CR1L: variants seen among roughly 807,000 people sequenced by gnomAD.
CR1L encodes the protein complement component receptor 1-like protein.
In CR1L, 59 loss-of-function variants were observed where a neutral mutation model predicts 62.3. The observed-to-expected ratio is 0.95, with a 90% CI of 0.77 to 1.18. The LOEUF (loss-of-function observed/expected upper bound fraction) is 1.18, where lower values mean the gene tolerates loss of function less well. Ranked by LOEUF, CR1L falls within the 50% of genes most tolerant of loss-of-function variation. The probability of loss-of-function intolerance (pLI) is 0.00; values close to 1 mark genes in which losing one functional copy is unlikely to be tolerated. For missense variants in CR1L, 700 were observed against 702.8 expected (o/e 1.00, Z 0.04); for synonymous variants, 279 against 248.7 (o/e 1.12, Z -1.15).
At chr1:207,715,512 A>G (rs779219267) in intron 10 of CR1L, 14 of 565,020 alleles carry the variant, frequency 2.5e-5, no homozygotes, top group Non-Finnish European at 3.7e-5. Context: ...TGATTAAAAT[A>G]CTTCTCTGTT....
At chr1:207,693,106 C>T (rs182345091) in intron 4 of CR1L, among the ~76,000 whole-genome samples, 52 of 152,252 alleles carry the variant, frequency 3.4e-4, no homozygotes, top group African/African-American at 1.2e-3. Context: ...TACAATATTA[C>T]TATGTTGTGT....
intron 9 of CR1L, among the ~76,000 whole-genome samples, chr1:207,706,662 T>C (rs1329636011): frequency 3.3e-5 from 5 of 152,218 alleles, no homozygotes; most frequent in Non-Finnish European, 7.3e-5. Flanking sequence ...TTGTAGAAGA[T>C]AGCACTTCTG....
chr1:207,669,279 C>T (rs776845380), intron 1 of CR1L: 16 of 539,420 alleles, frequency 3.0e-5, no homozygotes, highest in Non-Finnish European at 4.3e-5. Flanking sequence ...TGGCCTTGCC[C>T]ATGAAGGGGA....
chr1:207,650,788 AT>A (rs59483254), intron 1 of CR1L, among the ~76,000 whole-genome samples: 6,403 of 146,534 alleles, frequency 0.044, 169 homozygotes, highest in South Asian at 0.12. Flanking sequence ...TGCAGTGTAG[AT>A]TTTTTTTTTT....
chr1:207,665,619 T>C (rs1663509365), intron 1 of CR1L, among the ~76,000 whole-genome samples: 1 of 151,862 alleles, frequency 6.6e-6, no homozygotes, highest in Non-Finnish European at 1.5e-5. Context: ...GGTCTCGAAC[T>C]CCTGACCTCG....
At chr1:207,691,633 C>T (rs1338184347) in intron 4 of CR1L, among the ~76,000 whole-genome samples, 1 of 151,834 alleles carries the variant, frequency 6.6e-6, no homozygotes, top group African/African-American at 2.4e-5. Flanking sequence ...TTCTATTTTC[C>T]CCAGTAGCTT....
Position 207,717,226 on chromosome 1 carries a change from G to A in CR1L, c.1415-238G>A, listed in dbSNP as rs192368475. ...ACTTTCCAAATTCATTATGAACGTA[G>A]CTACCTGGATGGTCCAAAAACACTG... On this transcript the variant is annotated intron_variant, in intron 10 of 11. Coordinates refer to ENST00000508064, the MANE Select transcript of CR1L (RefSeq NM_175710.2). Among the ~76,000 whole-genome samples the A allele has an allele frequency of 1.8e-4, 28 of 152,218 alleles. No individual in the cohort carries two copies. The South Asian group carries it at 3.9e-3, about 21-fold the overall frequency.
intron 8 of CR1L, among the ~76,000 whole-genome samples, chr1:207,700,882 A>G (rs1664179616): frequency 6.6e-6 from 1 of 152,184 alleles, no homozygotes; most frequent in Non-Finnish European, 1.5e-5. Flanking sequence ...TTCTTCTTCA[A>G]ATGTTTTGCT....
At chr1:207,708,547 G>A (rs1485716384) in intron 10 of CR1L, among the ~76,000 whole-genome samples, 1 of 152,206 alleles carries the variant, frequency 6.6e-6, no homozygotes, top group African/African-American at 2.4e-5. Context: ...CCAGTTTGAA[G>A]AGCATTTTCT....
chr1:207,694,863 C>G, intron 5 of CR1L, 112 bp downstream of exon 5: 2 of 1,549,102 alleles, frequency 1.3e-6, no homozygotes, highest in Non-Finnish European at 1.7e-6. Flanking sequence ...GGTCGAGAAG[C>G]AAATTTTCTA....
intron 10 of CR1L, among the ~76,000 whole-genome samples, chr1:207,715,731 C>G (rs900244579): frequency 6.6e-6 from 1 of 151,536 alleles, no homozygotes; most frequent in African/African-American, 2.4e-5. Context: ...TTTTTTGAGA[C>G]AGTTACCCAG....
Position 207,701,617 on chromosome 1 carries a change from G to T in CR1L, c.1327G>T (p.Gly443Trp), listed in dbSNP as rs1354108565. 2 of 1,613,572 alleles carry T rather than the reference G, an allele frequency of 1.2e-6. No homozygotes were observed. Among genetic ancestry groups the T allele is most frequent in the Non-Finnish European group, 1.7e-6 (2 of 1,179,682 alleles). Reference sequence around the variant, plus strand: ...CAGAATCAACTATTCTTGTACTACAGGGTGAGTTGGCAGCAACATCTCTTG... The same window carrying T: ...CAGAATCAACTATTCTTGTACTACATGGTGAGTTGGCAGCAACATCTCTTG... ...GSRINYSCTTGHRLIGHSSAE... is the reference protein window; with the variant it reads ...GSRINYSCTTWHRLIGHSSAE... The change falls in exon 9 of 12, where the codon GGG becomes TGG. Residue 443 changes from glycine to tryptophan, a missense_variant and splice_region_variant. Coordinates refer to ENST00000508064, the MANE Select transcript of CR1L (RefSeq NM_175710.2).
chr1:207,677,372 G>C lies in CR1L; in HGVS notation c.98-17G>C. The C allele has an allele frequency of 1.4e-6, 2 of 1,451,544 alleles. No homozygotes were observed. The highest frequency in any genetic ancestry group is 9.4e-7 in the Non-Finnish European group (1 of 1,067,728). 89.9% of individuals were successfully genotyped at this position (1,451,544 alleles called of 1,614,324 possible). ...TTTCTCCATTAACTTCGATGCTGCT[G>C]TGGTCTTGATCCCCAGATCAATGCA... On this transcript the variant is annotated splice_polypyrimidine_tract_variant and intron_variant, in intron 1 of 11. Transcript: ENST00000508064.
At chr1:207,719,831 G>A (rs1654091692) in intron 11 of CR1L, among the ~76,000 whole-genome samples, 1 of 152,132 alleles carries the variant, frequency 6.6e-6, no homozygotes, top group Non-Finnish European at 1.5e-5. Flanking sequence ...TAGAAACTGA[G>A]ACACAGAGGG....
chr1:207,685,911 G>C (rs1458433713), intron 4 of CR1L, among the ~76,000 whole-genome samples: 3 of 151,930 alleles, frequency 2.0e-5, no homozygotes, highest in African/African-American at 4.8e-5. Context: ...GAACCGTACA[G>C]AGAAAGTAAG....
chr1:207,655,163 A>C (rs1663285456), intron 1 of CR1L: 2 of 542,058 alleles, frequency 3.7e-6, no homozygotes, highest in Non-Finnish European at 6.9e-6. Context: ...GCTATACAAA[A>C]CAGTAACCCT....
intron 9 of CR1L, among the ~76,000 whole-genome samples, chr1:207,707,044 A>G (rs1029297306): frequency 1.2e-4 from 19 of 152,248 alleles, no homozygotes; most frequent in African/African-American, 4.6e-4. Context: ...AAATAGGTTT[A>G]AATATATGTA....
chr1:207,703,819 C>A (rs1198123415), intron 9 of CR1L, among the ~76,000 whole-genome samples: 7 of 152,026 alleles, frequency 4.6e-5, no homozygotes, highest in African/African-American at 9.7e-5. Flanking sequence ...GCCAGCATGG[C>A]AGAATGTGCC....
At chr1:207,660,067 T>C (rs1284778952) in intron 1 of CR1L, among the ~76,000 whole-genome samples, 3 of 152,222 alleles carry the variant, frequency 2.0e-5, no homozygotes, top group Non-Finnish European at 4.4e-5. Flanking sequence ...GCCTACTGCC[T>C]CTCTAGATTC....
Sources: allele counts gnomAD v4.1 joint callset (sites outside exome capture counted in the v4.1 genomes callset), GRCh38; gene constraint gnomAD v4.1.1; transcripts MANE v1.5; gene names NCBI Gene and HGNC (gene_info 2026-07-23, HGNC 2026-07-21).